Variants in PTPRD observed in about 807,000 individuals in gnomAD.
PTPRD encodes receptor-type tyrosine-protein phosphatase delta.
In PTPRD, 34 loss-of-function variants were observed where a neutral mutation model predicts 214.5. The observed-to-expected ratio is 0.16, with a 90% confidence interval of 0.12 to 0.21. PTPRD has a LOEUF of 0.21. PTPRD is among the 10% of genes least tolerant of loss of function. The probability of loss-of-function intolerance (pLI) is 1.00; values close to 1 mark genes in which losing one functional copy is unlikely to be tolerated. For missense variants in PTPRD, 2,545 were observed against 2,398.7 expected, an observed-to-expected ratio of 1.06 and a Z score of -1.27; for synonymous variants, 1,128 against 845.7, an observed-to-expected ratio of 1.33 and a Z score of -5.79.
At chr9:9,785,595 A>G (rs937294023) in intron 5 of PTPRD, among the ~76,000 whole-genome samples, 3 of 152,122 alleles carry the variant, frequency 2.0e-5, no homozygotes, top group African/African-American at 7.2e-5. Context: ...AGATAAAGAG[A>G]GATTTAGCAA....
At chr9:8,688,726 A>G (rs1484730303) in intron 12 of PTPRD, among the ~76,000 whole-genome samples, 3 of 152,216 alleles carry the variant, frequency 2.0e-5, no homozygotes, top group Non-Finnish European at 1.5e-5. Context: ...CAATGGATAC[A>G]TTCTTTTTGT....
At chr9:9,305,412 C>T (rs1021877684) in intron 9 of PTPRD, among the ~76,000 whole-genome samples, 2 of 151,968 alleles carry the variant, frequency 1.3e-5, no homozygotes, top group African/African-American at 4.8e-5. Flanking sequence ...TGTATAAGGT[C>T]TTAATTGGAA....
At chr9:9,270,671 T>C (rs1942492593) in intron 9 of PTPRD, among the ~76,000 whole-genome samples, 1 of 151,400 alleles carries the variant, frequency 6.6e-6, no homozygotes, top group Admixed American at 6.6e-5. Flanking sequence ...CATGATCTTA[T>C]TTATGTTATA....
At chr9:9,023,032 T>G (rs2154370996) in intron 10 of PTPRD, among the ~76,000 whole-genome samples, 1 of 152,284 alleles carries the variant, frequency 6.6e-6, no homozygotes, top group South Asian at 2.1e-4. Flanking sequence ...TTAGGGGATG[T>G]TTGGAAGTCA....
At chr9:9,948,466 G>A in intron 4 of PTPRD, among the ~76,000 whole-genome samples, 1 of 151,952 alleles carries the variant, frequency 6.6e-6, no homozygotes, top group East Asian at 1.9e-4. Flanking sequence ...CAAATAAATG[G>A]CAGGTGATGA....
At chr9:8,990,127 A>T (rs2099360517) in intron 11 of PTPRD, among the ~76,000 whole-genome samples, 1 of 152,144 alleles carries the variant, frequency 6.6e-6, no homozygotes, top group South Asian at 2.1e-4. Context: ...ACAAAACTTT[A>T]ATATCTCCAA....
chr9:8,558,519 AG>A (rs1321884939), intron 14 of PTPRD, among the ~76,000 whole-genome samples: 2 of 152,208 alleles, frequency 1.3e-5, no homozygotes, highest in Admixed American at 6.5e-5. Context: ...GACATCTTTC[AG>A]GCCTGCTCTG....
At chr9:9,282,583 C>G (rs745749345) in intron 9 of PTPRD, among the ~76,000 whole-genome samples, 5 of 151,264 alleles carry the variant, frequency 3.3e-5, no homozygotes, top group Non-Finnish European at 7.4e-5. Context: ...ATAAATGACC[C>G]CACAGTTTGC....
At chr9:9,703,289 C>T (rs1232482959) in intron 7 of PTPRD, among the ~76,000 whole-genome samples, 1 of 152,152 alleles carries the variant, frequency 6.6e-6, no homozygotes, top group Admixed American at 6.5e-5. Flanking sequence ...GTCAATTAAA[C>T]TCTTTCCATT....
At chr9:10,547,950 C>A (rs1286365014) in intron 2 of PTPRD, among the ~76,000 whole-genome samples, 1 of 151,954 alleles carries the variant, frequency 6.6e-6, no homozygotes, top group Non-Finnish European at 1.5e-5. Context: ...AGTTTGTAAT[C>A]AATCATGAGC....
At chr9:9,688,577 A>C (rs2097206364) in intron 7 of PTPRD, among the ~76,000 whole-genome samples, 1 of 151,952 alleles carries the variant, frequency 6.6e-6, no homozygotes, top group Non-Finnish European at 1.5e-5. Context: ...CAGATAAAGA[A>C]AATATGAGTA....
chr9:8,667,149 G>T (rs1596442467), intron 12 of PTPRD, among the ~76,000 whole-genome samples: 1 of 152,060 alleles, frequency 6.6e-6, no homozygotes, highest in Non-Finnish European at 1.5e-5. Context: ...GACCAGCCTG[G>T]CCAACATGGC....
intron 2 of PTPRD, among the ~76,000 whole-genome samples, chr9:10,564,195 T>TTTTTTTTTTTTTTTTA (rs1566955309): frequency 7.3e-6 from 1 of 136,480 alleles, no homozygotes; most frequent in African/African-American, 2.7e-5. Flanking sequence ...TTTTTTTTTT[T>TTTTTTTTTTTTTTTTA]GAGACATAGG....
At chr9:9,577,981 G>T (rs1330679530) in intron 7 of PTPRD, among the ~76,000 whole-genome samples, 1 of 144,618 alleles carries the variant, frequency 6.9e-6, no homozygotes, top group Admixed American at 7.3e-5. Context: ...AGGAGGCAGA[G>T]GTTGCAGTGA....
At position 9,380,018 on chromosome 9, in the gene PTPRD, G is replaced by A. The variant is rs181242469; in HGVS notation, c.-203+17431C>T. ...TTTCCCTTCTATATATTTTAATTTCGTCTTGTTACATTAACTAGGACTTCA... is the reference window on the plus strand; with the variant it reads ...TTTCCCTTCTATATATTTTAATTTCATCTTGTTACATTAACTAGGACTTCA... On this transcript the variant is annotated intron_variant, in intron 9 of 45. Coordinates refer to ENST00000381196, the MANE Select transcript of PTPRD (RefSeq NM_002839.4). Among the ~76,000 whole-genome samples, 39 of 151,400 alleles carry A rather than the reference G, an allele frequency of 2.6e-4. 1 individual carries two copies. In the East Asian group the frequency reaches 2.7e-3, roughly 11 times the overall value.
chr9:9,798,126 C>G (rs2153496652), intron 5 of PTPRD, among the ~76,000 whole-genome samples: 1 of 151,902 alleles, frequency 6.6e-6, no homozygotes, highest in East Asian at 1.9e-4. Context: ...GGGGCCCAAG[C>G]AGTGTCTGAT....
rs1452191322 is a variant in PTPRD at position 9,939,561 on chromosome 9, T to G, written c.-471-951A>C. Among the ~76,000 whole-genome samples, 3 of 152,172 alleles carry G rather than the reference T, an allele frequency of 2.0e-5. No homozygotes were observed. In the South Asian group the frequency reaches 6.2e-4, roughly 31 times the overall value. ...GGATTGACCAGGTCAATAAAACCTA[T>G]TTCTTGATCTAACTGCCAGAGTACC... On this transcript the variant is annotated intron_variant, in intron 4 of 45. Transcript: ENST00000381196.
intron 20 of PTPRD, among the ~76,000 whole-genome samples, chr9:8,520,840 G>A (rs2097875657): frequency 6.6e-6 from 1 of 152,002 alleles, no homozygotes; most frequent in Non-Finnish European, 1.5e-5. Flanking sequence ...ACTAGACTAT[G>A]TTGATTTCAA....
intron 3 of PTPRD, among the ~76,000 whole-genome samples, chr9:10,292,306 CT>C (rs937821410): frequency 6.6e-6 from 1 of 152,014 alleles, no homozygotes; most frequent in African/African-American, 2.4e-5. Flanking sequence ...TGTCTCTCCC[CT>C]TTCTTAATGC....
Sources: allele counts gnomAD v4.1 joint callset (sites outside exome capture counted in the v4.1 genomes callset), GRCh38; gene constraint gnomAD v4.1.1; transcripts MANE v1.5; gene names NCBI Gene and HGNC (gene_info 2026-07-23, HGNC 2026-07-21).